IL4R: variants seen among roughly 807,000 people sequenced by gnomAD.
IL4R encodes interleukin 4 receptor, also known as interleukin-4 receptor subunit alpha.
IL4R carries 17 observed loss-of-function variants against 41.5 expected under a neutral mutation model. The observed-to-expected ratio is 0.41, with a 90% confidence interval of 0.28 to 0.61. The LOEUF is 0.61. Among genes scored for constraint, IL4R ranks in the 20% least tolerant of loss-of-function variants. IL4R has a pLI of 0.31. For synonymous variants in IL4R, 402 were observed against 422.9 expected (o/e 0.95, Z 0.61); for missense variants, 974 against 1,043.1 (o/e 0.93, Z 0.91).
chr16:27,336,684 A>T lies in IL4R; in HGVS notation c.-18-3502A>T, dbSNP rs1316191235. Among the ~76,000 whole-genome samples, 9 of 150,828 alleles carry T rather than the reference A, an allele frequency of 6.0e-5. No homozygotes were observed. In the East Asian group the frequency reaches 1.8e-3, roughly 29 times the overall value. On this transcript the variant is annotated intron_variant, in intron 2 of 10. Coordinates refer to ENST00000395762, the MANE Select transcript of IL4R (RefSeq NM_000418.4). The stretch of plus-strand genomic sequence containing the variant: ...CAGAGTAAACTCTGTCTCAAAAAAA[A>T]AAAAAAAAAAAAGGAAAGGGAGGAA...
rs2086013483 is a variant in IL4R, at chr16:27,355,085, A to G, written c.671-723A>G. On this transcript the variant is annotated intron_variant, in intron 7 of 10. Coordinates refer to ENST00000395762, the MANE Select transcript of IL4R (RefSeq NM_000418.4). ...CTAGACACTGGGGAATCGGCGATGA[A>G]CAAAGCAGATAGAAATCCCCACTCT... 9.1e-6 allele frequency: 4 copies of G among 438,204 alleles called. No individual in the cohort carries two copies. In the Admixed American group the frequency reaches 9.8e-5, roughly 11 times the overall value. 27.1% of individuals were successfully genotyped at this position (438,204 alleles called of 1,614,324 possible).
upstream of IL4R, chr16:27,313,905 G>A (rs1156815231): frequency 1.0e-6 from 1 of 984,740 alleles, no homozygotes; most frequent in Non-Finnish European, 1.2e-6. Context: ...AGCCGGGGCG[G>A]GCTGGGTCTC....
At position 27,363,930 on chromosome 16, in the gene IL4R, CA is replaced by C; in HGVS notation, c.*104del. 1.5e-6 allele frequency: 2 copies of C among 1,377,188 alleles called. No homozygotes were observed. The highest frequency in any genetic ancestry group is 2.0e-6 in the Non-Finnish European group (2 of 1,017,324). The allele number at this position is 1,377,188 out of a possible 1,614,324, so 85.3% of individuals were successfully genotyped here. On this transcript the variant is annotated 3_prime_UTR_variant, in exon 11 of 11. Coordinates refer to ENST00000395762, the MANE Select transcript of IL4R (RefSeq NM_000418.4). ...GAAGGCAGCCAGGCTGGCAGATTTC[CA>C]AAAGACTTGAAGAACCATGGTATGA...
In IL4R at chr16:27,341,099, A is replaced by T. The variant is rs1165695489; in HGVS notation, c.70+826A>T. ...CTTCAGGATGCCGTGTGGAGAAAGG[A>T]AGAGGGTGGAAGCCAGGAGGTCTGG... On this transcript the variant is annotated intron_variant, in intron 3 of 10. Transcript: ENST00000395762. The T allele has an allele frequency of 2.5e-5, 17 of 687,028 alleles. No individual in the cohort carries two copies. In the East Asian group the frequency reaches 4.7e-4, roughly 19 times the overall value. The allele number at this position is 687,028 out of a possible 1,614,324, so 42.6% of individuals were successfully genotyped here.
chr16:27,313,824 G>C (rs1596725480), upstream of IL4R: 3 of 774,656 alleles, frequency 3.9e-6, no homozygotes, highest in African/African-American at 1.9e-5. Flanking sequence ...CGAGGTGGCC[G>C]GGACCCGGGC....
chr16:27,349,682 A>C (rs2141168310), intron 6 of IL4R, among the ~76,000 whole-genome samples: 1 of 152,346 alleles, frequency 6.6e-6, no homozygotes, highest in South Asian at 2.1e-4. Context: ...TCCATATTTT[A>C]TATGCCTACT....
intron 1 of IL4R, among the ~76,000 whole-genome samples, chr16:27,328,205 CAAAAA>C (rs779355998): frequency 1.4e-5 from 1 of 70,476 alleles, no homozygotes; most frequent in Non-Finnish European, 2.8e-5. Context: ...GGCTCCATCT[CAAAAA>C]AAAAAAAAAA....
chr16:27,338,145 C>T (rs2085318201), intron 2 of IL4R, among the ~76,000 whole-genome samples: 2 of 150,688 alleles, frequency 1.3e-5, no homozygotes, highest in South Asian at 4.2e-4. Context: ...TTAGTAGAGA[C>T]AGGGTTTCAC....
intron 1 of IL4R, among the ~76,000 whole-genome samples, chr16:27,326,678 G>A (rs1218484796): frequency 6.6e-6 from 1 of 152,134 alleles, no homozygotes; most frequent in Non-Finnish European, 1.5e-5. Flanking sequence ...AAAAGAGAAG[G>A]AGAATAAGTG....
In IL4R at chr16:27,328,348, A is replaced by G. The variant is rs375630476; in HGVS notation, c.-151-1718A>G. On this transcript the variant is annotated intron_variant, in intron 1 of 10. Transcript: ENST00000395762. Reference sequence around the variant, plus strand: ...AGCCTCTGCCTCTTGGGTTCAAGCGATTCTCCTGCCTCAGCCTCTCAGCCT... The same window carrying G: ...AGCCTCTGCCTCTTGGGTTCAAGCGGTTCTCCTGCCTCAGCCTCTCAGCCT... Among the ~76,000 whole-genome samples the G allele has an allele frequency of 5.0e-4, 75 of 150,358 alleles. No individual in the cohort carries two copies. The East Asian group carries it at 0.012, about 23-fold the overall frequency.
intron 6 of IL4R, among the ~76,000 whole-genome samples, chr16:27,350,782 C>T (rs184085865): frequency 9.8e-5 from 15 of 152,292 alleles, no homozygotes; most frequent in East Asian, 9.6e-4. Flanking sequence ...GTTTCTCTCC[C>T]GACTCCAGCC....
At chr16:27,338,871 G>A (rs1435492139) in intron 2 of IL4R, among the ~76,000 whole-genome samples, 1 of 151,864 alleles carries the variant, frequency 6.6e-6, no homozygotes, top group Non-Finnish European at 1.5e-5. Flanking sequence ...TATTTATTTT[G>A]AGATGGAGTC....
At chr16:27,350,381 C>T (rs773378532) in intron 6 of IL4R, among the ~76,000 whole-genome samples, 8 of 152,144 alleles carry the variant, frequency 5.3e-5, no homozygotes, top group Non-Finnish European at 1.0e-4. Flanking sequence ...ACCCCACCCT[C>T]AGCTCCCTCT....
chr16:27,355,469 GAAGAT>G, intron 7 of IL4R: 1 of 326,680 alleles, frequency 3.1e-6, no homozygotes. Flanking sequence ...GAGGCACAGA[GAAGAT>G]AAGGGACTTG....
intron 2 of IL4R, among the ~76,000 whole-genome samples, chr16:27,337,362 T>G (rs1457202400): frequency 2.0e-5 from 3 of 152,034 alleles, no homozygotes; most frequent in African/African-American, 7.2e-5. Context: ...GAGGTTAGCC[T>G]TGGAACCATT....
chr16:27,363,559 C>A lies in IL4R; in HGVS notation c.2207C>A (p.Thr736Asn). 6.2e-7 allele frequency: 1 copy of A among 1,614,160 alleles called. No individual in the cohort carries two copies. Among genetic ancestry groups the A allele is most frequent in the South Asian group, 1.1e-5 (1 of 91,086 alleles). Residue 736 changes from threonine (T) to asparagine (N), a missense_variant, in exon 11 of 11, where the codon ACC (threonine) becomes AAC (asparagine). Thr to Asn is a moderately conservative substitution (Grantham distance 65, BLOSUM62 0). Transcript: ENST00000395762. ...QCHGQEDGGQ[T>N]PVMASPCCGC... ...CATGGCCAGGAGGATGGTGGCCAGA[C>A]CCCTGTCATGGCCAGTCCTTGCTGT...
At chr16:27,340,552 G>A (rs2085408694) in intron 3 of IL4R, among the ~76,000 whole-genome samples, 1 of 151,952 alleles carries the variant, frequency 6.6e-6, no homozygotes, top group South Asian at 2.1e-4. Flanking sequence ...GGGAGACCTT[G>A]TCTCTACAAA....
At chr16:27,336,838 G>A (rs1158420848) in intron 2 of IL4R, among the ~76,000 whole-genome samples, 1 of 152,090 alleles carries the variant, frequency 6.6e-6, no homozygotes, top group Admixed American at 6.6e-5. Context: ...CAGCACTTTG[G>A]GAGGCTGAGG....
At chr16:27,352,476 C>CA in intron 6 of IL4R, 64 bp from the exon 7 acceptor site, 2 of 1,436,590 alleles carry the variant, frequency 1.4e-6, no homozygotes, top group Non-Finnish European at 1.9e-6. Context: ...CGACAGCAAC[C>CA]AGGGTGGGCA....
Sources: gnomAD v4.1 joint callset for allele counts (sites outside exome capture counted in the v4.1 genomes callset) on GRCh38, gnomAD v4.1.1 for gene constraint, MANE v1.5 for transcripts, NCBI Gene and HGNC (gene_info 2026-07-23, HGNC 2026-07-21) for gene names.